SLA: variants seen among roughly 807,000 people sequenced by gnomAD.
The protein encoded by SLA is Src like adaptor, also known as src-like-adapter.
Under a neutral mutation model 30.3 loss-of-function variants are expected in SLA, and 16 were observed. The ratio of observed to expected loss-of-function variants is 0.53; its 90% CI spans 0.36 to 0.80. The LOEUF (loss-of-function observed/expected upper bound fraction) is 0.80, where lower values mean the gene tolerates loss of function less well. Among genes scored for constraint, SLA ranks in the 30% least tolerant of loss-of-function variants. SLA has a pLI of 0.01. For synonymous variants in SLA, 143 were observed against 137.8 expected, an observed-to-expected ratio of 1.04 and a Z score of -0.26; for missense variants, 310 against 345.2, an observed-to-expected ratio of 0.90 and a Z score of 0.81.
chr8:133,073,637 T>C (rs138140869), intron 2 of SLA, among the ~76,000 whole-genome samples: 1 of 152,312 alleles, frequency 6.6e-6, no homozygotes, highest in African/African-American at 2.4e-5. Flanking sequence ...CACAGCCCAG[T>C]TTAATAGACT....
chr8:133,098,091 A>G (rs1217563836), intron 1 of SLA, among the ~76,000 whole-genome samples: 1 of 152,176 alleles, frequency 6.6e-6, no homozygotes, highest in Admixed American at 6.5e-5. Context: ...ACTCACATAC[A>G]GCATAGCCCT....
chr8:133,090,366 A>T (rs1303529887), intron 1 of SLA, among the ~76,000 whole-genome samples: 1 of 152,236 alleles, frequency 6.6e-6, no homozygotes, highest in Admixed American at 6.5e-5. Context: ...CCCTGAAAAG[A>T]CATAGTCCTT....
At chr8:133,042,678 C>CTTTTTTTTTTTTTTTTTTTT (rs58739514) in intron 7 of SLA, among the ~76,000 whole-genome samples, 1 of 56,768 alleles carries the variant, frequency 1.8e-5, no homozygotes, top group Non-Finnish European at 3.2e-5. Context: ...CATTCTGTGT[C>CTTTTTTTTTTTTTTTTTTTT]TTTTTTTTTT....
chr8:133,045,658 G>C (rs1038164347), intron 6 of SLA, among the ~76,000 whole-genome samples: 1 of 152,122 alleles, frequency 6.6e-6, no homozygotes, highest in African/African-American at 2.4e-5. Flanking sequence ...GCCTCCCAAA[G>C]TGCTGGGATT....
chr8:133,039,991 T>C lies in SLA; in HGVS notation c.617+7A>G, dbSNP rs775996642. The C allele has an allele frequency of 1.3e-6, 2 of 1,545,562 alleles. No homozygotes were observed. The highest frequency in any genetic ancestry group is 1.7e-6 in the Non-Finnish European group (2 of 1,145,460). ...CACACACACACACATACACACACCA[T>C]ACTCACCTGGACACTCTCCTCCAGT... On this transcript the variant is annotated splice_region_variant and intron_variant, in intron 8 of 8. Transcript: ENST00000338087.
intron 1 of SLA, 141 bp downstream of exon 1, chr8:133,102,411 AC>A (rs1849375870): frequency 1.5e-6 from 1 of 679,718 alleles, no homozygotes; most frequent in African/African-American, 1.8e-5. Context: ...ACCAGCAGAG[AC>A]CCACCCATTT....
intron 1 of SLA, among the ~76,000 whole-genome samples, chr8:133,090,550 C>G (rs1847332853): frequency 6.6e-6 from 1 of 152,196 alleles, no homozygotes; most frequent in African/African-American, 2.4e-5. Context: ...GGGACTTGCT[C>G]CCCATCAGCC....
intron 1 of SLA, chr8:133,095,108 C>T: frequency 1.2e-6 from 2 of 1,614,220 alleles, no homozygotes; most frequent in Non-Finnish European, 1.7e-6. Flanking sequence ...CAGGCAATTG[C>T]TTTGGCAAAG....
At chr8:133,075,244 A>C (rs1844679902) in intron 1 of SLA, 114 bp from the exon 2 acceptor site, 1 of 479,120 alleles carries the variant, frequency 2.1e-6, no homozygotes, top group Admixed American at 6.4e-5. Context: ...ATTAAAAGGC[A>C]AATCAATGGG....
intron 1 of SLA, among the ~76,000 whole-genome samples, chr8:133,077,006 A>G (rs1337011922): frequency 6.6e-6 from 1 of 152,172 alleles, no homozygotes; most frequent in Non-Finnish European, 1.5e-5. Context: ...GACCCATCAA[A>G]GAAACTCAAT....
At chr8:133,040,404 A>T in intron 7 of SLA, 1 of 401,648 alleles carries the variant, frequency 2.5e-6, no homozygotes, top group Non-Finnish European at 4.5e-6. Context: ...CTTGGGTTTG[A>T]ATTTTAGCTT....
chr8:133,041,315 CA>C (rs2079705498), intron 7 of SLA, among the ~76,000 whole-genome samples: 1 of 152,220 alleles, frequency 6.6e-6, no homozygotes, highest in African/African-American at 2.4e-5. Flanking sequence ...TGCCAAAGAA[CA>C]AAAGGAATTT....
chr8:133,050,734 C>G (rs1300598080), intron 4 of SLA, 82 bp downstream of exon 4: 4 of 908,286 alleles, frequency 4.4e-6, no homozygotes, highest in Non-Finnish European at 7.3e-6. Flanking sequence ...CTAGACCACT[C>G]TAGCTAACAA....
At chr8:133,097,886 G>A (rs891810251) in intron 1 of SLA, among the ~76,000 whole-genome samples, 9 of 152,156 alleles carry the variant, frequency 5.9e-5, no homozygotes, top group Non-Finnish European at 1.0e-4. Flanking sequence ...ATTTCTGAAG[G>A]TTCCTATCTG....
chr8:133,045,251 C>T (rs923906580), intron 6 of SLA, 136 bp from the exon 7 acceptor site: 2 of 783,962 alleles, frequency 2.6e-6, no homozygotes, highest in African/African-American at 1.7e-5. Context: ...GATGCAGCCC[C>T]TCCCTCCACT....
chr8:133,055,114 G>A (rs1841135520), intron 3 of SLA, among the ~76,000 whole-genome samples: 2 of 152,060 alleles, frequency 1.3e-5, no homozygotes, highest in Non-Finnish European at 1.5e-5. Flanking sequence ...GGCTCTCCTT[G>A]GCACTTAATC....
intron 1 of SLA, among the ~76,000 whole-genome samples, chr8:133,091,969 G>C (rs1053373557): frequency 6.6e-6 from 1 of 152,004 alleles, no homozygotes; most frequent in African/African-American, 2.4e-5. Context: ...GTCTGTGCAC[G>C]TAAGCATATG....
chr8:133,052,949 A>C (rs1323527858), intron 3 of SLA, among the ~76,000 whole-genome samples: 1 of 152,118 alleles, frequency 6.6e-6, no homozygotes, highest in Non-Finnish European at 1.5e-5. Context: ...CAAGATGGAA[A>C]TCTATCTTCC....
rs1844647042 is a variant in SLA, at chr8:133,075,019, T to TG, written c.-208dup. The TG allele has an allele frequency of 3.0e-6, 3 of 985,286 alleles. No homozygotes were observed. In the Admixed American group the frequency reaches 1.8e-4, roughly 61 times the overall value. 61.0% of individuals were successfully genotyped at this position (985,286 alleles called of 1,614,324 possible). A position where few individuals can be genotyped will look rare whatever the true frequency, so the allele number is the denominator to read the frequency against. On this transcript the variant is annotated 5_prime_UTR_variant, in exon 2 of 9. An upstream open reading frame in the 5' UTR loses its in-frame stop. Coordinates refer to ENST00000338087, the MANE Select transcript of SLA (RefSeq NM_001045556.3). ...CCATGCTACACAGAAGAACTGCAGT[T>TG]GCTAAACTGGCCGCATACTTCCTCT...
Sources: gnomAD v4.1 joint callset for allele counts (sites outside exome capture counted in the v4.1 genomes callset) on GRCh38, gnomAD v4.1.1 for gene constraint, MANE v1.5 for transcripts, NCBI Gene and HGNC (gene_info 2026-07-23, HGNC 2026-07-21) for gene names.